PCDHA8: variants seen among roughly 807,000 people sequenced by gnomAD.
PCDHA8 encodes the protein protocadherin alpha 8.
In PCDHA8, 53 loss-of-function variants were observed where a neutral mutation model predicts 61.8. The observed-to-expected ratio is 0.86, with a 90% CI of 0.69 to 1.08. The LOEUF (loss-of-function observed/expected upper bound fraction) is 1.08, where lower values mean the gene tolerates loss of function less well. Ranked by LOEUF, PCDHA8 falls within the 50% of genes least tolerant of loss-of-function variation. The pLI is 0.00. For missense variants in PCDHA8, 1,293 were observed against 1,245.0 expected, an observed-to-expected ratio of 1.04 and a Z score of -0.58; for synonymous variants, 618 against 556.6, an observed-to-expected ratio of 1.11 and a Z score of -1.55.
chr5:140,966,206 T>C, intron 1 of PCDHA8: 1 of 227,662 alleles, frequency 4.4e-6, no homozygotes, highest in Non-Finnish European at 8.5e-6. Context: ...GCTTGACTGC[T>C]TTTCCCAGAC....
At chr5:140,925,641 T>TATA (rs10569930) in intron 1 of PCDHA8, among the ~76,000 whole-genome samples, 50,126 of 143,032 alleles carry the variant, frequency 0.35, 8,990 homozygotes, top group South Asian at 0.5. Context: ...GAACTTAAAG[T>TATA]ATAATAATAA....
chr5:140,850,193 G>C (rs2150472370), intron 1 of PCDHA8: 2 of 1,593,662 alleles, frequency 1.3e-6, no homozygotes. Flanking sequence ...CGGCGCTGCT[G>C]ACACCTCGGA....
At chr5:140,897,833 C>T (rs1366388258) in intron 1 of PCDHA8, among the ~76,000 whole-genome samples, 14 of 152,138 alleles carry the variant, frequency 9.2e-5, no homozygotes, top group African/African-American at 3.4e-4. Flanking sequence ...TATTTCTCCA[C>T]ATCCTCTCCA....
chr5:140,884,217 T>A (rs782181432), intron 1 of PCDHA8: 4 of 1,613,448 alleles, frequency 2.5e-6, no homozygotes, highest in Non-Finnish European at 3.4e-6. Flanking sequence ...CTTCTGGTGC[T>A]GGTGAAGGAC....
intron 1 of PCDHA8, chr5:140,857,589 G>T (rs1554150286): frequency 6.3e-7 from 1 of 1,596,564 alleles, no homozygotes; most frequent in Non-Finnish European, 8.6e-7. Flanking sequence ...GCGGAGAGCG[G>T]CAAGGTGTAC....
At chr5:141,003,221 G>A (rs2098116088) in intron 3 of PCDHA8, among the ~76,000 whole-genome samples, 1 of 152,206 alleles carries the variant, frequency 6.6e-6, no homozygotes, top group Admixed American at 6.5e-5. Flanking sequence ...GCATGAAAGA[G>A]GAAAGCTGGA....
chr5:140,969,106 A>G, intron 1 of PCDHA8: 1 of 1,614,132 alleles, frequency 6.2e-7, no homozygotes, highest in Non-Finnish European at 8.5e-7. Flanking sequence ...ACTTCATTGA[A>G]GTTCGAGGGA....
At chr5:140,857,407 G>A (rs372428918) in intron 1 of PCDHA8, 10 of 1,598,382 alleles carry the variant, frequency 6.3e-6, no homozygotes, top group Non-Finnish European at 8.6e-6. Flanking sequence ...ACGCGCCTGC[G>A]TTCGCGCAGT....
At chr5:140,928,082 T>A (rs1387313022) in intron 1 of PCDHA8, 4 of 1,614,094 alleles carry the variant, frequency 2.5e-6, no homozygotes, top group Admixed American at 3.3e-5. Context: ...TACTACAGCC[T>A]GCTGATTGAT....
At chr5:140,926,371 G>A (rs1220733947) in intron 1 of PCDHA8, 1 of 152,352 alleles carries the variant, frequency 6.6e-6, no homozygotes, top group East Asian at 1.9e-4. Flanking sequence ...GCGGCAGGAA[G>A]AGCCCAGCTG....
At chr5:140,883,973 G>C (rs782157297) in intron 1 of PCDHA8, 1 of 1,612,840 alleles carries the variant, frequency 6.2e-7, no homozygotes, top group Non-Finnish European at 8.5e-7. Flanking sequence ...GCTGACGCCC[G>C]GGGCTGGCAG....
chr5:140,935,835 A>G (rs1405712064), intron 1 of PCDHA8, among the ~76,000 whole-genome samples: 3 of 151,830 alleles, frequency 2.0e-5, no homozygotes, highest in Admixed American at 6.6e-5. Flanking sequence ...CACATATTCC[A>G]TACTGCTTAA....
chr5:140,938,977 A>C (rs1205824371), intron 1 of PCDHA8, among the ~76,000 whole-genome samples: 1 of 152,190 alleles, frequency 6.6e-6, no homozygotes, highest in Admixed American at 6.5e-5. Flanking sequence ...CATCAAGGCT[A>C]TCCTGGCTTT....
At chr5:140,870,030 T>C (rs782502508) in intron 1 of PCDHA8, 4 of 1,613,662 alleles carry the variant, frequency 2.5e-6, no homozygotes, top group Admixed American at 1.7e-5. Context: ...CTTTAGATTA[T>C]GAAGAAAACA....
intron 1 of PCDHA8, among the ~76,000 whole-genome samples, chr5:140,894,946 A>G (rs1463727802): frequency 6.6e-6 from 1 of 152,206 alleles, no homozygotes; most frequent in African/African-American, 2.4e-5. Flanking sequence ...ATTGTCATGA[A>G]ATGATAAAAA....
chr5:140,861,098 T>C (rs1334214171), intron 1 of PCDHA8: 1 of 152,426 alleles, frequency 6.6e-6, no homozygotes, highest in Non-Finnish European at 1.5e-5. Context: ...ATTGTTCCTG[T>C]ACTTTAAAAA....
At chr5:140,902,206 T>TC (rs2069239214) in intron 1 of PCDHA8, among the ~76,000 whole-genome samples, 1 of 145,724 alleles carries the variant, frequency 6.9e-6, no homozygotes, top group South Asian at 2.1e-4. Flanking sequence ...TCTCTTTCTT[T>TC]TTTTTTTTTT....
At chr5:140,881,399 T>A in intron 1 of PCDHA8, 1 of 975,578 alleles carries the variant, frequency 1.0e-6, no homozygotes, top group Non-Finnish European at 1.2e-6. Flanking sequence ...TTAAATTCTA[T>A]TAAATCAATA....
chr5:140,979,110 C>A, intron 2 of PCDHA8, 103 bp downstream of exon 2: 1 of 1,515,726 alleles, frequency 6.6e-7, no homozygotes, highest in East Asian at 2.3e-5. Flanking sequence ...AACTAAAAAG[C>A]TTTAGGTACT....
Sources: gnomAD v4.1 joint callset for allele counts (sites outside exome capture counted in the v4.1 genomes callset) on GRCh38, gnomAD v4.1.1 for gene constraint, MANE v1.5 for transcripts, NCBI Gene and HGNC (gene_info 2026-07-23, HGNC 2026-07-21) for gene names.